The following SLC8A3 variants were observed in gnomAD, a reference collection of about 807,000 sequenced individuals.
SLC8A3 encodes sodium/calcium exchanger 3.
Under a neutral mutation model 65.4 loss-of-function variants are expected in SLC8A3, and 37 were observed. The observed-to-expected ratio is 0.57, with a 90% CI of 0.44 to 0.74. The LOEUF is 0.74. Among genes scored for constraint, SLC8A3 ranks in the 30% least tolerant of loss-of-function variants. SLC8A3 has a pLI of 0.00. For missense variants in SLC8A3, 1,112 were observed against 1,172.1 expected (o/e 0.95, Z 0.75); for synonymous variants, 461 against 444.5 (o/e 1.04, Z -0.47).
At position 70,046,333 on chromosome 14, in the gene SLC8A3, G is replaced by A. The variant is rs1300549175; in HGVS notation, c.2390-10C>T. On this transcript the variant is annotated splice_polypyrimidine_tract_variant and intron_variant, in intron 6 of 6. Transcript: ENST00000356921. The surrounding 1 kb of genome is among the most constrained non-coding windows in gnomAD (Gnocchi z 4.2). ...TTGCTGGCAAACGTATCTGGAAAAG[G>A]ACAAAGACACATGGGAACTGGTAGG... The A allele has an allele frequency of 6.3e-7, 1 of 1,594,054 alleles. No individual in the cohort carries two copies. The highest frequency in any genetic ancestry group is 8.6e-7 in the Non-Finnish European group (1 of 1,168,856).
intron 3 of SLC8A3, among the ~76,000 whole-genome samples, chr14:70,054,501 G>A (rs1052565786): frequency 1.3e-5 from 2 of 151,150 alleles, no homozygotes; most frequent in African/African-American, 4.9e-5. Context: ...TCTTTGTTAT[G>A]CATTTATGTG....
chr14:70,135,495 T>C (rs1895129947), intron 2 of SLC8A3, among the ~76,000 whole-genome samples: 1 of 152,154 alleles, frequency 6.6e-6, no homozygotes, highest in Admixed American at 6.5e-5. Context: ...AACCTAAATA[T>C]GCATCAGTGG....
At chr14:70,133,094 AAAGTTATTTAAAGTAAAGGAGT>A in intron 2 of SLC8A3, among the ~76,000 whole-genome samples, 1 of 151,224 alleles carries the variant, frequency 6.6e-6, no homozygotes, top group Non-Finnish European at 1.5e-5. Flanking sequence ...AGATGTTTTT[AAAGTTATTTAAAGTAAAGGAGT>A]ACTTCCTTCC....
At chr14:70,098,080 C>G (rs1892307177) in intron 2 of SLC8A3, among the ~76,000 whole-genome samples, 1 of 152,166 alleles carries the variant, frequency 6.6e-6, no homozygotes, top group Admixed American at 6.5e-5. Context: ...CACTCCCTAG[C>G]ATAAGTGTCA....
chr14:70,183,991 C>CT (rs1882972397), intron 1 of SLC8A3, among the ~76,000 whole-genome samples: 3 of 152,368 alleles, frequency 2.0e-5, no homozygotes, highest in Admixed American at 2.0e-4. Flanking sequence ...TCTTTCTTCT[C>CT]TTGCTGACCT....
At chr14:70,169,380 G>T (rs1897352622) in intron 1 of SLC8A3, among the ~76,000 whole-genome samples, 1 of 152,164 alleles carries the variant, frequency 6.6e-6, no homozygotes, top group African/African-American at 2.4e-5. Context: ...TAAGCAGGCA[G>T]TAACAGGAAG....
At chr14:70,174,651 GTTTTTTTTTTGTTTTT>G (rs1422963771) in intron 1 of SLC8A3, among the ~76,000 whole-genome samples, 2 of 90,372 alleles carry the variant, frequency 2.2e-5, no homozygotes, top group African/African-American at 4.9e-5. Context: ...GACCAAATCC[GTTTTTTTTTTGTTTTT>G]TTTTTTTTTT....
At chr14:70,080,659 T>C (rs1890977266) in intron 2 of SLC8A3, among the ~76,000 whole-genome samples, 1 of 152,174 alleles carries the variant, frequency 6.6e-6, no homozygotes, top group South Asian at 2.1e-4. Flanking sequence ...CCCATCTTTA[T>C]ACCATGGCCC....
intron 2 of SLC8A3, among the ~76,000 whole-genome samples, chr14:70,128,666 A>G (rs1228893717): frequency 6.6e-6 from 1 of 152,238 alleles, no homozygotes; most frequent in Non-Finnish European, 1.5e-5. Flanking sequence ...AAATTATAAA[A>G]AACTTGGAGA....
chr14:70,088,862 C>T (rs1021181569), intron 2 of SLC8A3, among the ~76,000 whole-genome samples: 5 of 152,186 alleles, frequency 3.3e-5, no homozygotes, highest in African/African-American at 1.2e-4. Flanking sequence ...CAATCAGGAA[C>T]CAGATCCTGT....
chr14:70,046,393 C>A lies in SLC8A3; in HGVS notation c.2390-70G>T. ...TGTGCAGGGCTTGTCTTCCAGTATG[C>A]CCAAAAAGCAGCTTGAGCTGGTGGG... On this transcript the variant is annotated intron_variant, in intron 6 of 6. Transcript: ENST00000356921. This position sits in a 1 kb window ranked among gnomAD's most constrained non-coding sequence, Gnocchi z 4.2. The A allele has an allele frequency of 6.7e-7, 1 of 1,481,834 alleles. No homozygotes were observed. Among genetic ancestry groups the A allele is most frequent in the East Asian group, 2.3e-5 (1 of 43,718 alleles). 91.8% of individuals were successfully genotyped at this position (1,481,834 alleles called of 1,614,324 possible). A position where few individuals can be genotyped will look rare whatever the true frequency, so the allele number is the denominator to read the frequency against.
At chr14:70,053,691 A>G (rs1887751150) in intron 3 of SLC8A3, among the ~76,000 whole-genome samples, 1 of 152,154 alleles carries the variant, frequency 6.6e-6, no homozygotes, top group Admixed American at 6.5e-5. Context: ...CTACTTACTG[A>G]CCTGTCCACC....
chr14:70,165,600 A>G (rs950984751), intron 2 of SLC8A3, among the ~76,000 whole-genome samples: 2 of 152,198 alleles, frequency 1.3e-5, no homozygotes, highest in African/African-American at 4.8e-5. Context: ...CTTCTAGGCC[A>G]CCCAAGAAAG....
intron 2 of SLC8A3, among the ~76,000 whole-genome samples, chr14:70,141,472 T>C (rs1895570848): frequency 1.3e-5 from 2 of 152,224 alleles, no homozygotes; most frequent in African/African-American, 4.8e-5. Context: ...ATAAATGACT[T>C]ACATTTATTA....
At chr14:70,184,752 G>A (rs1883044544) in intron 1 of SLC8A3, among the ~76,000 whole-genome samples, 5 of 152,164 alleles carry the variant, frequency 3.3e-5, no homozygotes. Flanking sequence ...GAGGAAAGAG[G>A]CCATTCTATT....
At chr14:70,160,753 T>C (rs949735913) in intron 2 of SLC8A3, among the ~76,000 whole-genome samples, 3 of 151,896 alleles carry the variant, frequency 2.0e-5, no homozygotes, top group Non-Finnish European at 4.4e-5. Flanking sequence ...CTGGACTTCC[T>C]GGAGAGTTTT....
rs536473873 is a variant in SLC8A3, at chr14:70,155,380, C to T, written c.1784+11259G>A. ...ATTGTATCCATTAACCAACCTCTCC[C>T]TATCCTCCTTCGCATCCTCTAATAA... On this transcript the variant is annotated intron_variant, in intron 2 of 6. Coordinates refer to ENST00000356921, the MANE Select transcript of SLC8A3 (RefSeq NM_182932.3). Among the ~76,000 whole-genome samples the T allele has an allele frequency of 6.6e-4, 101 of 152,296 alleles. 1 individual carries two copies. The South Asian group carries it at 0.019, about 29-fold the overall frequency.
intron 2 of SLC8A3, 55 bp from the exon 3 acceptor site, chr14:70,060,994 C>A: frequency 1.3e-6 from 1 of 749,300 alleles, no homozygotes; most frequent in South Asian, 1.8e-5. Flanking sequence ...ATTGGTTGGT[C>A]ACCTGGAGCA....
chr14:70,062,762 C>A (rs1333238258), intron 2 of SLC8A3, among the ~76,000 whole-genome samples: 3 of 152,178 alleles, frequency 2.0e-5, no homozygotes, highest in Non-Finnish European at 4.4e-5. Context: ...TGTCAAGAGG[C>A]ATTTTTTTGG....
Sources: gnomAD v4.1 joint callset for allele counts (sites outside exome capture counted in the v4.1 genomes callset) on GRCh38, gnomAD v4.1.1 for gene constraint, Gnocchi (gnomAD v3.1) non-coding constraint, MANE v1.5 for transcripts, NCBI Gene and HGNC (gene_info 2026-07-23, HGNC 2026-07-21) for gene names.